The following SGMS1 variants were observed in gnomAD, a reference collection of about 807,000 sequenced individuals.
The protein encoded by SGMS1 is sphingomyelin synthase 1.
SGMS1 carries 13 observed loss-of-function variants against 46.2 expected under a neutral mutation model. That is an observed-to-expected ratio of 0.28 (90% CI 0.18 to 0.45). The LOEUF is 0.45. Ranked by LOEUF, SGMS1 falls within the 20% of genes least tolerant of loss-of-function variation. SGMS1 has a pLI of 1.00. For missense variants in SGMS1, 324 were observed against 519.9 expected (o/e 0.62, Z 3.66); for synonymous variants, 203 against 187.8 (o/e 1.08, Z -0.66).
rs1429500393 is a variant in SGMS1 at position 50,311,366 on chromosome 10, G to A, written c.791C>T (p.Ala264Val). Residue 264 changes from alanine to valine, a missense_variant, in exon 9 of 11, where the codon GCT becomes GTT. Coordinates refer to ENST00000361781, the MANE Select transcript of SGMS1 (RefSeq NM_147156.4). ...GCCAGTGATAGACAAGCCACCTCCAGCAATGAGCTTCATTATTCTTCGCAG... is the reference window on the plus strand; with the variant it reads ...GCCAGTGATAGACAAGCCACCTCCAACAATGAGCTTCATTATTCTTCGCAG... ...AQLRRIMKLI[A>V]GGGLSITGSH... is the part of the protein sequence containing the mutation. 4 of 1,613,990 alleles carry A rather than the reference G, an allele frequency of 2.5e-6. No homozygotes were observed. The highest frequency in any genetic ancestry group is 1.7e-6 in the Non-Finnish European group (2 of 1,179,926).
intron 2 of SGMS1, among the ~76,000 whole-genome samples, chr10:50,579,281 G>A (rs1159657466): frequency 6.6e-6 from 1 of 152,130 alleles, no homozygotes; most frequent in Non-Finnish European, 1.5e-5. Context: ...AAAAGGTAAG[G>A]CTGTCATAAG....
intron 3 of SGMS1, among the ~76,000 whole-genome samples, chr10:50,488,615 C>T (rs988396062): frequency 1.3e-5 from 2 of 152,184 alleles, no homozygotes; most frequent in Non-Finnish European, 2.9e-5. Context: ...AAGTAACATT[C>T]TCATTCTCCA....
At chr10:50,447,597 C>A (rs1837037936) in intron 5 of SGMS1, among the ~76,000 whole-genome samples, 1 of 151,998 alleles carries the variant, frequency 6.6e-6, no homozygotes, top group African/African-American at 2.4e-5. Context: ...AAAAATATAA[C>A]CCATATTGTT....
At chr10:50,525,384 C>T (rs188438258) in intron 2 of SGMS1, among the ~76,000 whole-genome samples, 110 of 152,250 alleles carry the variant, frequency 7.2e-4, no homozygotes, top group African/African-American at 2.6e-3. Flanking sequence ...TGATGATGTG[C>T]TCCTTCCAAA....
intron 6 of SGMS1, among the ~76,000 whole-genome samples, chr10:50,350,598 T>C (rs917176851): frequency 2.6e-5 from 4 of 152,150 alleles, no homozygotes; most frequent in Non-Finnish European, 5.9e-5. Context: ...GACTAGGGAC[T>C]TGGTGCCCTG....
chr10:50,316,354 A>G (rs566061789), intron 8 of SGMS1, among the ~76,000 whole-genome samples: 1 of 152,352 alleles, frequency 6.6e-6, no homozygotes, highest in African/African-American at 2.4e-5. Context: ...GCAGCCCAGG[A>G]AAGTCAGCAA....
chr10:50,346,356 T>C (rs1482826943), intron 6 of SGMS1, among the ~76,000 whole-genome samples: 1 of 151,960 alleles, frequency 6.6e-6, no homozygotes, highest in African/African-American at 2.4e-5. Context: ...CATCTCACTA[T>C]AAAAAAAACT....
intron 8 of SGMS1, among the ~76,000 whole-genome samples, chr10:50,323,791 A>G (rs1405079183): frequency 3.9e-5 from 6 of 152,162 alleles, no homozygotes; most frequent in Non-Finnish European, 8.8e-5. Flanking sequence ...AGTTGTATCA[A>G]TTTGGTCTCT....
At chr10:50,467,364 T>C (rs1334102813) in intron 3 of SGMS1, among the ~76,000 whole-genome samples, 1 of 152,130 alleles carries the variant, frequency 6.6e-6, no homozygotes, top group East Asian at 1.9e-4. Context: ...ATGCAATCAA[T>C]AGCAAGTTAA....
intron 2 of SGMS1, among the ~76,000 whole-genome samples, chr10:50,533,657 C>T (rs188713716): frequency 2.1e-3 from 317 of 152,084 alleles, no homozygotes; most frequent in African/African-American, 7.0e-3. Context: ...TGAACACACA[C>T]ATTTTTCTTA....
Position 50,448,742 on chromosome 10 carries a change from C to CA in SGMS1, c.-313+11930dup, listed in dbSNP as rs35580756. 7.6e-3 allele frequency among the ~76,000 whole-genome samples: 445 copies of CA among 58,698 alleles called. 8 individuals are homozygous for CA. The highest frequency in any genetic ancestry group is 0.02 in the Middle Eastern group (2 of 102). The allele number at this position is 58,698 out of a possible 152,430, so 38.5% of individuals were successfully genotyped here. A position where few individuals can be genotyped will look rare whatever the true frequency, so the allele number is the denominator to read the frequency against. On this transcript the variant is annotated intron_variant, in intron 5 of 10. Transcript: ENST00000361781. ...CTGAGCAACAAGAGTGAAACTCCGC[C>CA]AAAAAAAAAAAAAAAAAAAGAATGA...
At chr10:50,477,273 T>C (rs1244149295) in intron 3 of SGMS1, among the ~76,000 whole-genome samples, 2 of 152,256 alleles carry the variant, frequency 1.3e-5, no homozygotes, top group African/African-American at 4.8e-5. Context: ...TAAGATTTAA[T>C]GACTACCCTG....
intron 2 of SGMS1, among the ~76,000 whole-genome samples, chr10:50,562,275 A>C (rs80170183): frequency 0.012 from 1,755 of 151,700 alleles, 32 homozygotes; most frequent in African/African-American, 0.041. Flanking sequence ...ACACCTATAG[A>C]TTATGGTTTG....
Position 50,476,097 on chromosome 10 carries a change from CAAAAAAAAA to C in SGMS1, c.-497-9174_-497-9166del, listed in dbSNP as rs58641986. ...TAAAATCTTGTCTTTACTAAAAATA[CAAAAAAAAA>C]AAAAAAAAAAAAAAAAAATTAGCCA... On this transcript the variant is annotated intron_variant, in intron 3 of 10. Coordinates refer to ENST00000361781, the MANE Select transcript of SGMS1 (RefSeq NM_147156.4). Among the ~76,000 whole-genome samples the C allele has an allele frequency of 3.9e-4, 17 of 43,324 alleles. No homozygotes were observed. The South Asian group carries it at 4.5e-3, about 12-fold the overall frequency. 28.4% of individuals were successfully genotyped at this position (43,324 alleles called of 152,430 possible).
intron 6 of SGMS1, among the ~76,000 whole-genome samples, chr10:50,405,536 T>G (rs965744662): frequency 1.3e-5 from 2 of 152,170 alleles, no homozygotes; most frequent in African/African-American, 4.8e-5. Flanking sequence ...AGTTGTAGAA[T>G]GTGGAAAACA....
chr10:50,479,578 TCTTA>T (rs754023182), intron 3 of SGMS1, among the ~76,000 whole-genome samples: 11 of 152,214 alleles, frequency 7.2e-5, no homozygotes, highest in Admixed American at 2.6e-4. Flanking sequence ...TATATTTTTT[TCTTA>T]CTTTTCCCAT....
At chr10:50,438,392 A>T (rs2133630431) in intron 5 of SGMS1, among the ~76,000 whole-genome samples, 1 of 152,302 alleles carries the variant, frequency 6.6e-6, no homozygotes, top group Middle Eastern at 3.4e-3. Flanking sequence ...CCCCATGAGG[A>T]CAACCTCCAG....
At chr10:50,565,099 G>A (rs543962293) in intron 2 of SGMS1, among the ~76,000 whole-genome samples, 3 of 151,958 alleles carry the variant, frequency 2.0e-5, no homozygotes, top group Admixed American at 6.6e-5. Context: ...TCCTCCAAAC[G>A]CTTTCCTTTG....
At chr10:50,446,157 CG>C (rs200160337) in intron 5 of SGMS1, among the ~76,000 whole-genome samples, 2,066 of 152,190 alleles carry the variant, frequency 0.014, 43 homozygotes, top group African/African-American at 0.047. Context: ...AATTTTGCCC[CG>C]GTCCTCTGAT....
Sources: allele counts gnomAD v4.1 joint callset (sites outside exome capture counted in the v4.1 genomes callset), GRCh38; gene constraint gnomAD v4.1.1; transcripts MANE v1.5; gene names NCBI Gene and HGNC (gene_info 2026-07-23, HGNC 2026-07-21).